DRC9: variants seen among roughly 807,000 people sequenced by gnomAD.
The protein encoded by DRC9 is dynein regulatory complex protein 9.
chr3:197,906,044 C>T, the DRC9 span, among the ~76,000 whole-genome samples: 2 of 151,878 alleles, frequency 1.3e-5, no homozygotes, highest in Non-Finnish European at 2.9e-5. Context: ...TCATTTGTGG[C>T]AGTTACCAAT....
chr3:197,889,992 C>A, the DRC9 span, among the ~76,000 whole-genome samples: 1 of 152,164 alleles, frequency 6.6e-6, no homozygotes, highest in Non-Finnish European at 1.5e-5. Flanking sequence ...AATCTGACTT[C>A]CTTATACTGC....
chr3:197,946,897 AC>A, the DRC9 span, among the ~76,000 whole-genome samples: 1 of 151,922 alleles, frequency 6.6e-6, no homozygotes, highest in Non-Finnish European at 1.5e-5. Context: ...ATCTTGGCTC[AC>A]TGCAACCTCT....
chr3:197,945,589 T>C, the DRC9 span: 2 of 1,470,998 alleles, frequency 1.4e-6, no homozygotes, highest in Non-Finnish European at 1.9e-6. Flanking sequence ...TAAATACATG[T>C]ATACAAAAAA....
the DRC9 span, among the ~76,000 whole-genome samples, chr3:197,931,397 G>A: frequency 1.6e-4 from 24 of 151,982 alleles, no homozygotes; most frequent in South Asian, 2.1e-4. Flanking sequence ...CAGGGGAATC[G>A]CTTGAACCTG....
chr3:197,908,567 A>G, the DRC9 span, among the ~76,000 whole-genome samples: 1 of 145,100 alleles, frequency 6.9e-6, no homozygotes, highest in South Asian at 2.2e-4. Context: ...GGGTGACTGT[A>G]CCAGGTCTGA....
chr3:197,892,898 G>C, the DRC9 span: 3,813 of 1,070,632 alleles, frequency 3.6e-3, 100 homozygotes, highest in African/African-American at 0.053. Context: ...ACTTACCTGG[G>C]TGGAGAGTTG....
the DRC9 span, among the ~76,000 whole-genome samples, chr3:197,903,748 G>C: frequency 6.6e-6 from 1 of 151,786 alleles, no homozygotes; most frequent in East Asian, 1.9e-4. Context: ...TATATGACAA[G>C]GGTTTAATAA....
At chr3:197,903,413 G>A in the DRC9 span, among the ~76,000 whole-genome samples, 9 of 151,958 alleles carry the variant, frequency 5.9e-5, no homozygotes, top group Admixed American at 5.2e-4. Context: ...ATGGGAGGCT[G>A]AGGCAGGTGG....
chr3:197,936,970 CTCTT>C, the DRC9 span, among the ~76,000 whole-genome samples: 6 of 152,114 alleles, frequency 3.9e-5, no homozygotes, highest in Non-Finnish European at 7.3e-5. Context: ...GGTCAGCAAA[CTCTT>C]TCTGTAAAGA....
chr3:197,909,505 G>A, the DRC9 span, among the ~76,000 whole-genome samples: 1 of 152,168 alleles, frequency 6.6e-6, no homozygotes, highest in South Asian at 2.1e-4. Flanking sequence ...GTTTCGCAAT[G>A]TTATCACAGA....
At chr3:197,954,885 G>A in the DRC9 span, among the ~76,000 whole-genome samples, 1 of 152,128 alleles carries the variant, frequency 6.6e-6, no homozygotes, top group Non-Finnish European at 1.5e-5. Flanking sequence ...CAACAGTTAC[G>A]CCTGGCATAA....
At chr3:197,920,831 CT>C in the DRC9 span, among the ~76,000 whole-genome samples, 1 of 152,098 alleles carries the variant, frequency 6.6e-6, no homozygotes, top group Non-Finnish European at 1.5e-5. Context: ...AAGTCTGAAA[CT>C]TTTTTTGCTT....
the DRC9 span, chr3:197,945,591 T>C: frequency 2.2e-5 from 33 of 1,494,570 alleles, no homozygotes; most frequent in Non-Finnish European, 3.1e-5. Context: ...AATACATGTA[T>C]ACAAAAAACA....
chr3:197,913,788 T>A, the DRC9 span: 1 of 1,302,184 alleles, frequency 7.7e-7, no homozygotes, highest in African/African-American at 1.5e-5. Flanking sequence ...TGGAGGGAAA[T>A]CTTTGTCTCC....
the DRC9 span, chr3:197,913,325 T>TGTGCGTGCGTGCGTGTGTGC: frequency 2.6e-5 from 5 of 190,666 alleles, no homozygotes; most frequent in African/African-American, 1.3e-4. Context: ...GCTTTGCGTG[T>TGTGCGTGCGTGCGTGTGTGC]GTGCGTGCGT....
At chr3:197,919,825 C>T in the DRC9 span, among the ~76,000 whole-genome samples, 1 of 152,068 alleles carries the variant, frequency 6.6e-6, no homozygotes, top group Non-Finnish European at 1.5e-5. Flanking sequence ...GGCTTCCCCT[C>T]TGGTTGGGTA....
At chr3:197,954,689 T>G in the DRC9 span, among the ~76,000 whole-genome samples, 1 of 152,124 alleles carries the variant, frequency 6.6e-6, no homozygotes, top group Non-Finnish European at 1.5e-5. Flanking sequence ...TTTTTTGTAT[T>G]TTTGTATTTT....
At chr3:197,905,224 C>T in the DRC9 span, among the ~76,000 whole-genome samples, 12 of 152,168 alleles carry the variant, frequency 7.9e-5, no homozygotes, top group South Asian at 2.1e-4. Flanking sequence ...AAGAACCAAA[C>T]GCGTGTAATG....
At chr3:197,892,730 C>T in the DRC9 span, 9 of 1,614,048 alleles carry the variant, frequency 5.6e-6, no homozygotes, top group African/African-American at 8.0e-5. Flanking sequence ...CGTATTTCTC[C>T]ATCCAGAACT....
Sources: allele counts gnomAD v4.1 joint callset (sites outside exome capture counted in the v4.1 genomes callset), GRCh38; gene constraint gnomAD v4.1.1; transcripts MANE v1.5; gene names NCBI Gene and HGNC (gene_info 2026-07-23, HGNC 2026-07-21).